The following NUP155 variants were observed in gnomAD, a reference collection of about 807,000 sequenced individuals.
NUP155 encodes nucleoporin 155.
Under a neutral mutation model 180.4 loss-of-function variants are expected in NUP155, and 71 were observed. The observed-to-expected ratio is 0.39, with a 90% CI of 0.33 to 0.48. The LOEUF (loss-of-function observed/expected upper bound fraction) is 0.48, where lower values mean the gene tolerates loss of function less well. Ranked by LOEUF, NUP155 falls within the 20% of genes least tolerant of loss-of-function variation. NUP155 has a pLI of 0.91. For missense variants in NUP155, 1,553 were observed against 1,648.9 expected, an observed-to-expected ratio of 0.94 and a Z score of 1.01; for synonymous variants, 582 against 559.5, an observed-to-expected ratio of 1.04 and a Z score of -0.57.
chr5:37,307,156 C>T (rs554558210), intron 25 of NUP155, 141 bp downstream of exon 25: 18 of 763,244 alleles, frequency 2.4e-5, no homozygotes, highest in African/African-American at 1.5e-4. Context: ...CAAGATCACA[C>T]GACTGCACTC....
At chr5:37,338,571 A>G (rs1745505497) in intron 11 of NUP155, among the ~76,000 whole-genome samples, 1 of 151,612 alleles carries the variant, frequency 6.6e-6, no homozygotes, top group African/African-American at 2.4e-5. Context: ...ACGCCCGACT[A>G]ATTTTTTGTA....
intron 20 of NUP155, among the ~76,000 whole-genome samples, chr5:37,321,004 G>A (rs1744208327): frequency 6.6e-6 from 1 of 152,044 alleles, no homozygotes; most frequent in African/African-American, 2.4e-5. Flanking sequence ...AAATGGGAAA[G>A]GGAAGAAAAT....
At chr5:37,320,209 G>A (rs375475580) in intron 20 of NUP155, among the ~76,000 whole-genome samples, 6 of 152,078 alleles carry the variant, frequency 3.9e-5, no homozygotes, top group African/African-American at 7.2e-5. Flanking sequence ...AGGGCGCAGC[G>A]GCTCATGCCT....
intron 11 of NUP155, among the ~76,000 whole-genome samples, chr5:37,340,130 G>A (rs1745614163): frequency 6.6e-6 from 1 of 152,102 alleles, no homozygotes; most frequent in African/African-American, 2.4e-5. Context: ...AAACTGAGAA[G>A]AGCCAAAATC....
intron 32 of NUP155, 89 bp downstream of exon 32, chr5:37,298,778 AT>A (rs1448546760): frequency 2.6e-6 from 2 of 765,096 alleles, no homozygotes; most frequent in Non-Finnish European, 4.7e-6. Flanking sequence ...GAAACTCTTT[AT>A]TTTACTCGAA....
At chr5:37,366,370 C>A (rs756817177) in intron 1 of NUP155, among the ~76,000 whole-genome samples, 2 of 152,114 alleles carry the variant, frequency 1.3e-5, no homozygotes, top group Non-Finnish European at 2.9e-5. Context: ...ACTGATTATC[C>A]AACTTAATAA....
At chr5:37,357,399 CAAAAAAAAAAA>C (rs397997409) in intron 4 of NUP155, among the ~76,000 whole-genome samples, 5 of 31,296 alleles carry the variant, frequency 1.6e-4, no homozygotes, top group Non-Finnish European at 2.6e-4. Flanking sequence ...ACCTTAATCT[CAAAAAAAAAAA>C]AAAAAAAAAA....
At chr5:37,340,106 T>C (rs1277740435) in intron 11 of NUP155, among the ~76,000 whole-genome samples, 1 of 152,076 alleles carries the variant, frequency 6.6e-6, no homozygotes, top group Non-Finnish European at 1.5e-5. Context: ...CTAAAATTCA[T>C]ATGAAAATTC....
Position 37,328,406 on chromosome 5 carries a change from T to C in NUP155, c.1828A>G (p.Ser610Gly), listed in dbSNP as rs763695579. ...GATGGATTTGGATAGGGACTACCAC[T>C]AGGAACAGGAGAACCTAAAAAGGGA... ...SPVYSSSPVP[S>G]GSPYPNPSFL... Residue 610 changes from serine (S) to glycine (G), a missense_variant, in exon 17 of 35, where the codon AGT (serine) becomes GGT (glycine). Physicochemically the swap from Ser to Gly is moderately conservative, Grantham distance 56. Coordinates refer to ENST00000231498, the MANE Select transcript of NUP155 (RefSeq NM_153485.3). 3 of 1,603,632 alleles carry C rather than the reference T, an allele frequency of 1.9e-6. No homozygotes were observed. Among genetic ancestry groups the C allele is most frequent in the Non-Finnish European group, 2.6e-6 (3 of 1,170,582 alleles).
chr5:37,342,577 G>T lies in NUP155; in HGVS notation c.1065C>A (p.Asp355Glu). The T allele has an allele frequency of 6.2e-7, 1 of 1,611,292 alleles. No homozygotes were observed. Among genetic ancestry groups the T allele is most frequent in the Non-Finnish European group, 8.5e-7 (1 of 1,177,528 alleles). The change falls in exon 10 of 35, where the codon GAC (aspartate) becomes GAA (glutamate). Residue 355 changes from aspartate to glutamate, a missense_variant. By Grantham distance (45) the Asp-to-Glu change is conservative. Coordinates refer to ENST00000231498, the MANE Select transcript of NUP155 (RefSeq NM_153485.3). ...CATGTGTGACAGCCAATAACTGACA[G>T]TCCAGTGATTCAGAATTTTCAATCA... ...IAVIENSESL[D>E]CQLLAVTHAG...
At chr5:37,296,065 C>G (rs1278413713) in intron 32 of NUP155, among the ~76,000 whole-genome samples, 1 of 148,858 alleles carries the variant, frequency 6.7e-6, no homozygotes, top group African/African-American at 2.5e-5. Flanking sequence ...GGGGGTCAGC[C>G]CCCCGCCCGG....
chr5:37,345,280 C>T (rs1417589737), intron 9 of NUP155, among the ~76,000 whole-genome samples: 2 of 151,714 alleles, frequency 1.3e-5, no homozygotes, highest in Non-Finnish European at 2.9e-5. Context: ...CTGAGACATG[C>T]GGATTGCTTG....
At chr5:37,294,738 C>T (rs927926937) in intron 32 of NUP155, among the ~76,000 whole-genome samples, 1 of 151,910 alleles carries the variant, frequency 6.6e-6, no homozygotes, top group Non-Finnish European at 1.5e-5. Context: ...TGCACCATCA[C>T]TCTCAGCTTA....
At chr5:37,347,202 T>C (rs377408371) in intron 9 of NUP155, among the ~76,000 whole-genome samples, 1 of 152,136 alleles carries the variant, frequency 6.6e-6, no homozygotes, top group Non-Finnish European at 1.5e-5. Context: ...CACTCCAGCC[T>C]GGGCAACAGA....
intron 22 of NUP155, among the ~76,000 whole-genome samples, chr5:37,311,937 C>T (rs1171651979): frequency 6.6e-6 from 1 of 152,182 alleles, no homozygotes; most frequent in African/African-American, 2.4e-5. Flanking sequence ...AGGAGAACTG[C>T]TTGTACCCGG....
chr5:37,317,629 GAT>G (rs1743980876), intron 21 of NUP155, among the ~76,000 whole-genome samples: 1 of 151,096 alleles, frequency 6.6e-6, no homozygotes, highest in South Asian at 2.1e-4. Context: ...TGCTAAAAGA[GAT>G]AGGGAAATAT....
chr5:37,356,873 C>T (rs376464718), intron 4 of NUP155, among the ~76,000 whole-genome samples: 11 of 152,080 alleles, frequency 7.2e-5, no homozygotes, highest in African/African-American at 2.7e-4. Context: ...ATTGGGAGGC[C>T]AAGGTAGGCA....
At chr5:37,367,232 T>G (rs911053912) in intron 1 of NUP155, among the ~76,000 whole-genome samples, 13 of 149,460 alleles carry the variant, frequency 8.7e-5, no homozygotes, top group African/African-American at 2.7e-4. Flanking sequence ...GTTTTTGGGG[T>G]TTTTTTTTGG....
chr5:37,350,774 GCCTGGGTGATAGA>G lies in NUP155; in HGVS notation c.723+403_723+415del, dbSNP rs533611807. On this transcript the variant is annotated intron_variant, in intron 6 of 34. Transcript: ENST00000231498. ...GCTAAGATTCAGCCACTGCATTCCAGCCTGGGTGATAGACCTGGGTGATACAGTGAGACTCCAT... is the reference window on the plus strand; with the variant it reads ...GCTAAGATTCAGCCACTGCATTCCAGCCTGGGTGATACAGTGAGACTCCAT... Among the ~76,000 whole-genome samples the G allele has an allele frequency of 1.7e-3, 254 of 146,738 alleles. 1 individual carries two copies. Among genetic ancestry groups the G allele is most frequent in the South Asian group, 3.8e-3 (18 of 4,696 alleles).
Sources: gnomAD v4.1 joint callset for allele counts (sites outside exome capture counted in the v4.1 genomes callset) on GRCh38, gnomAD v4.1.1 for gene constraint, MANE v1.5 for transcripts, NCBI Gene and HGNC (gene_info 2026-07-23, HGNC 2026-07-21) for gene names.